Variants in TRHDE observed in about 807,000 individuals in gnomAD.
TRHDE encodes the protein thyrotropin releasing hormone degrading enzyme.
Under a neutral mutation model 125.7 loss-of-function variants are expected in TRHDE, and 72 were observed. The observed-to-expected ratio is 0.57, with a 90% CI of 0.47 to 0.70. TRHDE has a LOEUF of 0.70. Ranked by LOEUF, TRHDE falls within the 30% of genes least tolerant of loss-of-function variation. The probability of loss-of-function intolerance (pLI) is 0.00; values close to 1 mark genes in which losing one functional copy is unlikely to be tolerated. For missense variants in TRHDE, 1,110 were observed against 1,327.1 expected, an observed-to-expected ratio of 0.84 and a Z score of 2.54; for synonymous variants, 509 against 509.1, an observed-to-expected ratio of 1.00 and a Z score of 0.00.
At chr12:72,224,166 G>GTATGTATCTATC (rs1406586507) in intron 2 of TRHDE, among the ~76,000 whole-genome samples, 157 of 62,922 alleles carry the variant, frequency 2.5e-3, no homozygotes, top group East Asian at 0.012. Flanking sequence ...ATGTATGTAT[G>GTATGTATCTATC]TATCTATCTA....
At chr12:72,279,496 A>G (rs1048767259) in intron 1 of TRHDE, among the ~76,000 whole-genome samples, 16 of 152,142 alleles carry the variant, frequency 1.1e-4, no homozygotes, top group African/African-American at 3.6e-4. Flanking sequence ...TTCAAAGTTC[A>G]TGCCATCCTA....
chr12:72,588,105 G>A (rs1379832355), intron 12 of TRHDE, among the ~76,000 whole-genome samples: 1 of 152,160 alleles, frequency 6.6e-6, no homozygotes, highest in Non-Finnish European at 1.5e-5. Context: ...AGCATGAGAA[G>A]CACTTCACAA....
intron 6 of TRHDE, among the ~76,000 whole-genome samples, chr12:72,500,232 G>A (rs1057442008): frequency 2.0e-5 from 3 of 151,964 alleles, no homozygotes; most frequent in Non-Finnish European, 2.9e-5. Context: ...CTTGGATTAG[G>A]ATTTTTCTTT....
Position 72,297,189 on chromosome 12 carries a change from T to G in TRHDE, c.1188+10235T>G, listed in dbSNP as rs11179145. ...AAGACATCTAGAGTAACCATAAATA[T>G]ATTATTGGAATCATTGGCCATGGTA... On this transcript the variant is annotated intron_variant, in intron 2 of 18. Coordinates refer to ENST00000261180, the MANE Select transcript of TRHDE (RefSeq NM_013381.3). Among the ~76,000 whole-genome samples the G allele has an allele frequency of 2.0e-5, 3 of 152,280 alleles. No individual in the cohort carries two copies. The East Asian group carries it at 5.8e-4, about 29-fold the overall frequency.
chr12:72,173,930 A>G (rs1231796491), intron 2 of TRHDE, among the ~76,000 whole-genome samples: 1 of 152,158 alleles, frequency 6.6e-6, no homozygotes, highest in African/African-American at 2.4e-5. Context: ...AAATGGCTAA[A>G]TATTCTTCCC....
At chr12:72,504,048 T>C (rs1192259479) in intron 6 of TRHDE, among the ~76,000 whole-genome samples, 1 of 152,090 alleles carries the variant, frequency 6.6e-6, no homozygotes, top group Non-Finnish European at 1.5e-5. Flanking sequence ...AAAAAAGTAA[T>C]GGATGCCACC....
chr12:72,385,327 G>A (rs1207250574), intron 3 of TRHDE, among the ~76,000 whole-genome samples: 50 of 151,968 alleles, frequency 3.3e-4, no homozygotes, highest in Non-Finnish European at 1.5e-5. Flanking sequence ...AGCATTATTA[G>A]TGCTTTTCTG....
At chr12:72,380,155 G>T (rs1872077278) in intron 3 of TRHDE, among the ~76,000 whole-genome samples, 1 of 152,102 alleles carries the variant, frequency 6.6e-6, no homozygotes, top group African/African-American at 2.4e-5. Context: ...TGGTTTTCCA[G>T]ACATATTCTA....
chr12:72,318,621 TTTTTCAGTTGCTA>T (rs1281355963), intron 2 of TRHDE, among the ~76,000 whole-genome samples: 1 of 152,148 alleles, frequency 6.6e-6, no homozygotes, highest in Non-Finnish European at 1.5e-5. Context: ...GAAGCTTCTC[TTTTTCAGTTGCTA>T]GGAGTGCAGT....
At chr12:72,583,520 AATT>A (rs1871321303) in intron 12 of TRHDE, among the ~76,000 whole-genome samples, 1 of 152,196 alleles carries the variant, frequency 6.6e-6, no homozygotes, top group African/African-American at 2.4e-5. Flanking sequence ...TTCTGCATGC[AATT>A]ATTTAAAAAT....
chr12:72,266,252 G>A (rs1879066843), intron 2 of TRHDE, among the ~76,000 whole-genome samples: 2 of 151,752 alleles, frequency 1.3e-5, no homozygotes, highest in South Asian at 4.2e-4. Flanking sequence ...TTTATCTATT[G>A]CGCCTTTGAA....
chr12:72,275,647 C>A (rs913862780), intron 1 of TRHDE, among the ~76,000 whole-genome samples: 5 of 151,938 alleles, frequency 3.3e-5, no homozygotes, highest in Non-Finnish European at 5.9e-5. Context: ...TTTGAAAAAT[C>A]CTGTTTTTTG....
chr12:72,450,946 T>A (rs1875540285), intron 3 of TRHDE, among the ~76,000 whole-genome samples: 1 of 152,204 alleles, frequency 6.6e-6, no homozygotes, highest in Non-Finnish European at 1.5e-5. Flanking sequence ...GTATGTCTTC[T>A]TTGGAGAACT....
At chr12:72,530,416 CTTTTTTT>C (rs71438816) in intron 6 of TRHDE, among the ~76,000 whole-genome samples, 3 of 68,500 alleles carry the variant, frequency 4.4e-5, no homozygotes, top group South Asian at 6.5e-4. Flanking sequence ...TTCCTAGAAG[CTTTTTTT>C]TTTTTTTTTT....
intron 15 of TRHDE, among the ~76,000 whole-genome samples, chr12:72,643,471 A>G (rs1274785197): frequency 6.6e-6 from 1 of 152,208 alleles, no homozygotes; most frequent in Admixed American, 6.5e-5. Context: ...ATTTGAGGCT[A>G]CAGATACAAA....
intron 2 of TRHDE, among the ~76,000 whole-genome samples, chr12:72,184,302 G>A (rs866126555): frequency 1.3e-5 from 2 of 151,978 alleles, no homozygotes; most frequent in Admixed American, 6.5e-5. Flanking sequence ...CCATTGGTGG[G>A]GAGGTAACAT....
At position 72,162,149 on chromosome 12, in the gene TRHDE, C is replaced by T. The variant is rs17110895; in HGVS notation, n.279+56397C>T. On this transcript the variant is annotated intron_variant and non_coding_transcript_variant, in intron 2 of 4. Transcript: ENST00000548156. ...AGTGTTTCTGATACTCAGTGAAAAA[C>T]GTACTACAAGATATTTTGGCTAACA... 3.2e-3 allele frequency among the ~76,000 whole-genome samples: 492 copies of T among 152,304 alleles called. 4 individuals carry two copies. Among genetic ancestry groups the T allele is most frequent in the African/African-American group, 0.011 (472 of 41,562 alleles).
intron 2 of TRHDE, chr12:72,254,767 C>G (rs1174470680): frequency 6.6e-6 from 1 of 152,118 alleles, no homozygotes; most frequent in Non-Finnish European, 1.5e-5. Context: ...AGAACCCATC[C>G]CCTCTCACCC....
intron 6 of TRHDE, among the ~76,000 whole-genome samples, chr12:72,520,843 G>A (rs1017763770): frequency 5.3e-5 from 8 of 152,022 alleles, no homozygotes; most frequent in African/African-American, 1.7e-4. Context: ...TTTTATTACC[G>A]TATTAAAAGC....
Sources: gnomAD v4.1 joint callset for allele counts (sites outside exome capture counted in the v4.1 genomes callset) on GRCh38, gnomAD v4.1.1 for gene constraint, MANE v1.5 for transcripts, NCBI Gene and HGNC (gene_info 2026-07-23, HGNC 2026-07-21) for gene names.